SERPINB12: variants seen among roughly 807,000 people sequenced by gnomAD.
SERPINB12 encodes the protein serpin family B member 12.
A neutral mutation model predicts 41.1 loss-of-function variants in SERPINB12; 57 were observed. That is an observed-to-expected ratio of 1.39 (90% CI 1.12 to 1.73). SERPINB12 has a LOEUF of 1.73. Among genes scored for constraint, SERPINB12 ranks in the 40% most tolerant of loss-of-function variants. The pLI is 0.00. For missense variants in SERPINB12, 536 were observed against 501.9 expected (o/e 1.07, Z -0.65); for synonymous variants, 180 against 181.3 (o/e 0.99, Z 0.06).
At chr18:63,524,719 A>T in the SERPINB12 span, among the ~76,000 whole-genome samples, 1 of 150,754 alleles carries the variant, frequency 6.6e-6, no homozygotes, top group Non-Finnish European at 1.5e-5. Flanking sequence ...TTATTTTAGG[A>T]CAAAAAATTT....
At chr18:63,541,347 C>T (rs1910269522), upstream of SERPINB12, among the ~76,000 whole-genome samples, 1 of 152,028 alleles carries the variant, frequency 6.6e-6, no homozygotes, top group South Asian at 2.1e-4. Context: ...AGTGTGTGCT[C>T]CCCAAGTTAT....
chr18:63,556,938 C>A (rs1372009826), intron 2 of SERPINB12, among the ~76,000 whole-genome samples: 1 of 152,228 alleles, frequency 6.6e-6, no homozygotes, highest in Non-Finnish European at 1.5e-5. Flanking sequence ...CTCTCACTGG[C>A]AATCTATCCT....
intron 6 of SERPINB12, 36 bp from the exon 7 acceptor site, chr18:63,565,409 T>G (rs765138961): frequency 6.3e-7 from 1 of 1,592,050 alleles, no homozygotes; most frequent in South Asian, 1.1e-5. Context: ...GAGTTTCCCA[T>G]AGCCGTCCTG....
At chr18:63,555,612 G>A (rs1910647176) in intron 1 of SERPINB12, among the ~76,000 whole-genome samples, 1 of 152,148 alleles carries the variant, frequency 6.6e-6, no homozygotes, top group Admixed American at 6.5e-5. Context: ...GCTTAGGATG[G>A]GCTCTAATTC....
intron 2 of SERPINB12, 108 bp from the exon 3 acceptor site, chr18:63,558,240 TTTTG>T (rs1162425735): frequency 1.9e-5 from 24 of 1,244,268 alleles, no homozygotes; most frequent in Non-Finnish European, 2.0e-5. Flanking sequence ...TTGTTGATTG[TTTTG>T]TTTGACTATG....
chr18:63,559,818 TC>T (rs1394391620), intron 4 of SERPINB12, 100 bp downstream of exon 4: 31 of 1,227,162 alleles, frequency 2.5e-5, no homozygotes, highest in Admixed American at 1.8e-5. Flanking sequence ...AACACAAACC[TC>T]TTTGACAGGA....
chr18:63,519,136 C>A, the SERPINB12 span, among the ~76,000 whole-genome samples: 1 of 152,116 alleles, frequency 6.6e-6, no homozygotes, highest in Non-Finnish European at 1.5e-5. Context: ...TAGGAGCAAG[C>A]AAGGCACTGC....
At position 63,556,320 on chromosome 18, in the gene SERPINB12, T is replaced by C. The variant is rs201838286; in HGVS notation, c.161T>C (p.Ile54Thr). The change falls in exon 2 of 8, where the codon ATT (isoleucine) becomes ACT (threonine). Residue 54 changes from isoleucine to threonine, a missense_variant. Coordinates refer to ENST00000382768, the MANE Select transcript of SERPINB12 (RefSeq NM_001307928.2). ...GCTAGAAGTGACAGTGCACATCAGATTGATGAGGTACGTGTCCACTAGGGT... is the reference window on the plus strand; with the variant it reads ...GCTAGAAGTGACAGTGCACATCAGACTGATGAGGTACGTGTCCACTAGGGT... The part of the protein sequence containing the change: ...LGARSDSAHQ[I>T]DEVLHFNEFS... 50 of 1,613,832 alleles carry C rather than the reference T, an allele frequency of 3.1e-5. No individual in the cohort carries two copies. The African/African-American group carries it at 5.1e-4, about 16-fold the overall frequency.
At chr18:63,540,033 A>G (rs1024663480), upstream of SERPINB12, among the ~76,000 whole-genome samples, 5 of 152,152 alleles carry the variant, frequency 3.3e-5, no homozygotes. Flanking sequence ...TCCCCTAAGA[A>G]TACTGAGAAA....
At chr18:63,530,139 G>A in the SERPINB12 span, among the ~76,000 whole-genome samples, 1 of 152,272 alleles carries the variant, frequency 6.6e-6, no homozygotes, top group African/African-American at 2.4e-5. Flanking sequence ...GGTATGTAAT[G>A]TCCCAGCCAG....
At chr18:63,541,443 A>C (rs1910271415), upstream of SERPINB12, among the ~76,000 whole-genome samples, 1 of 152,172 alleles carries the variant, frequency 6.6e-6, no homozygotes, top group African/African-American at 2.4e-5. Context: ...CAGGACCCTC[A>C]AGAGGAGGAG....
Position 63,567,015 on chromosome 18 carries a change from G to C in SERPINB12, c.*4G>C, listed in dbSNP as rs762939844. 8.9e-6 allele frequency: 14 copies of C among 1,568,686 alleles called. No individual in the cohort carries two copies. In the East Asian group the frequency reaches 2.9e-4, roughly 33 times the overall value. ...TGGCAGGGTCTGCTCTCCTTAAAAG[G>C]GGAGCAGTGTCTAGTACTTTGGAGC... On this transcript the variant is annotated 3_prime_UTR_variant, in exon 8 of 8. Transcript: ENST00000382768.
chr18:63,556,335 T>A lies in SERPINB12; in HGVS notation c.168+8T>A, dbSNP rs773373265. On this transcript the variant is annotated splice_region_variant and intron_variant, in intron 2 of 7. Transcript: ENST00000382768. ...GCACATCAGATTGATGAGGTACGTG[T>A]CCACTAGGGTGCTACACAGGGTCCT... 1 of 1,612,522 alleles carries A rather than the reference T, an allele frequency of 6.2e-7. No homozygotes were observed.
chr18:63,549,805 G>A (rs1910478861), intron 1 of SERPINB12, among the ~76,000 whole-genome samples: 1 of 152,144 alleles, frequency 6.6e-6, no homozygotes, highest in South Asian at 2.1e-4. Flanking sequence ...GGACCTGCTG[G>A]TGACATCTGC....
chr18:63,558,579 A>G, intron 3 of SERPINB12, 93 bp downstream of exon 3: 1 of 1,337,942 alleles, frequency 7.5e-7, no homozygotes, highest in Non-Finnish European at 1.0e-6. Flanking sequence ...TTATCCCCAA[A>G]TATTAGACTC....
At chr18:63,557,386 G>A (rs1910713587) in intron 2 of SERPINB12, among the ~76,000 whole-genome samples, 1 of 152,104 alleles carries the variant, frequency 6.6e-6, no homozygotes, top group African/African-American at 2.4e-5. Flanking sequence ...AACATTTCTA[G>A]AATAAATAAA....
At chr18:63,549,252 G>C (rs1257032882) in intron 1 of SERPINB12, among the ~76,000 whole-genome samples, 1 of 152,124 alleles carries the variant, frequency 6.6e-6, no homozygotes, top group African/African-American at 2.4e-5. Flanking sequence ...TTATTTTTCA[G>C]TATTGTGAGG....
rs1397484877 is a variant in SERPINB12, at chr18:63,567,117, C to T, written c.*106C>T. 2 of 1,070,168 alleles carry T rather than the reference C, an allele frequency of 1.9e-6. No homozygotes were observed. The highest frequency in any genetic ancestry group is 2.5e-5 in the Admixed American group (1 of 39,260). 66.3% of individuals were successfully genotyped at this position (1,070,168 alleles called of 1,614,324 possible). On this transcript the variant is annotated 3_prime_UTR_variant, in exon 8 of 8. Transcript: ENST00000382768. Reference sequence around the variant, plus strand: ...TTTTTGGTAATATCTAAAGCATCTCCTTCATCCTCCAGCCATCGGCTTGTG... The same window carrying T: ...TTTTTGGTAATATCTAAAGCATCTCTTTCATCCTCCAGCCATCGGCTTGTG...
chr18:63,523,158 G>A, the SERPINB12 span, among the ~76,000 whole-genome samples: 19 of 152,202 alleles, frequency 1.2e-4, no homozygotes, highest in Admixed American at 7.9e-4. Context: ...AATGTCAAAA[G>A]GTTCAAAACA....
Sources: allele counts gnomAD v4.1 joint callset (sites outside exome capture counted in the v4.1 genomes callset), GRCh38; gene constraint gnomAD v4.1.1; transcripts MANE v1.5; gene names NCBI Gene and HGNC (gene_info 2026-07-23, HGNC 2026-07-21).